Variants in MXRA7 observed in about 807,000 individuals in gnomAD.
MXRA7 encodes the protein matrix-remodeling-associated protein 7.
In MXRA7, 18 loss-of-function variants were observed where a neutral mutation model predicts 17.4. The observed-to-expected ratio is 1.03, with a 90% CI of 0.71 to 1.53. The LOEUF (loss-of-function observed/expected upper bound fraction) is 1.53. Ranked by LOEUF, MXRA7 falls within the 40% of genes most tolerant of loss-of-function variation. The pLI is 0.00. For synonymous variants in MXRA7, 70 were observed against 101.7 expected (o/e 0.69, Z 1.87); for missense variants, 141 against 209.3 (o/e 0.67, Z 2.01).
chr17:76,698,247 GCCC>G (rs1471363594), intron 1 of MXRA7, among the ~76,000 whole-genome samples: 1 of 152,136 alleles, frequency 6.6e-6, no homozygotes, highest in Non-Finnish European at 1.5e-5. Flanking sequence ...GCCTGCCCAG[GCCC>G]CCCAACCCCA....
intron 3 of MXRA7, 34 bp from the exon 4 acceptor site, chr17:76,680,913 AT>A: frequency 6.5e-7 from 1 of 1,536,130 alleles, no homozygotes; most frequent in Non-Finnish European, 9.0e-7. Flanking sequence ...AAGATAATTT[AT>A]TTTACTCATT....
intron 1 of MXRA7, among the ~76,000 whole-genome samples, chr17:76,697,938 A>G (rs1358414222): frequency 6.9e-6 from 1 of 144,252 alleles, no homozygotes. Context: ...AGGCGGGGGG[A>G]GGGGAGAGAG....
chr17:76,696,721 G>A (rs1452499978), intron 1 of MXRA7, among the ~76,000 whole-genome samples: 1 of 152,100 alleles, frequency 6.6e-6, no homozygotes, highest in East Asian at 1.9e-4. Context: ...CCCAAACTGC[G>A]ATGCTAAAGG....
rs1227623209 is a variant in MXRA7, at chr17:76,706,304, GGCCCAC to G, written c.342+4295_342+4300del. 2.1e-4 allele frequency among the ~76,000 whole-genome samples: 22 copies of G among 104,552 alleles called. 1 individual carries two copies. The highest frequency in any genetic ancestry group is 7.2e-4 in the African/African-American group (22 of 30,424). 68.6% of individuals were successfully genotyped at this position (104,552 alleles called of 152,430 possible). On this transcript the variant is annotated intron_variant, in intron 1 of 3. Coordinates refer to ENST00000449428, the MANE Select transcript of MXRA7 (RefSeq NM_198530.4). ...CAGAGGCCCACGCTGCCGTCACAGA[GGCCCAC>G]GCTGCCATCACAAAGGACCACGCTG...
chr17:76,685,039 C>T (rs1221871640), intron 3 of MXRA7, 33 bp downstream of exon 3: 2 of 1,588,216 alleles, frequency 1.3e-6, no homozygotes, highest in South Asian at 2.2e-5. Context: ...CCCCAAGAGC[C>T]CGCCAGGCGC....
intron 1 of MXRA7, among the ~76,000 whole-genome samples, chr17:76,707,735 C>T (rs766036866): frequency 1.3e-5 from 2 of 152,132 alleles, no homozygotes; most frequent in East Asian, 1.9e-4. Flanking sequence ...TTTGGGAATC[C>T]GACCATCCAG....
At chr17:76,684,798 G>T (rs2076363890) in intron 3 of MXRA7, 3 of 487,626 alleles carry the variant, frequency 6.2e-6, no homozygotes, top group African/African-American at 2.0e-5. Flanking sequence ...TGGAGGGGGT[G>T]GGGGGGTGCA....
chr17:76,703,215 G>A (rs1303923613), intron 1 of MXRA7, among the ~76,000 whole-genome samples: 2 of 152,264 alleles, frequency 1.3e-5, no homozygotes, highest in African/African-American at 2.4e-5. Flanking sequence ...GGCCCTTGCT[G>A]AGAATCTGCC....
chr17:76,691,202 T>C (rs2076475592), intron 1 of MXRA7, among the ~76,000 whole-genome samples: 1 of 152,208 alleles, frequency 6.6e-6, no homozygotes, highest in African/African-American at 2.4e-5. Flanking sequence ...CGATAGGGTT[T>C]GGAGAGCTTC....
At position 76,686,486 on chromosome 17, in the gene MXRA7, AC is replaced by A. The variant is rs1307714079; in HGVS notation, c.407-1322del. On this transcript the variant is annotated intron_variant, in intron 2 of 3. Transcript: ENST00000449428. ...TAGAGTAAGATTCCAGTATCCCCCT[AC>A]CCCCCAAAAAAAGAAAACATACAAA... Among the ~76,000 whole-genome samples the A allele has an allele frequency of 2.1e-4, 32 of 151,656 alleles. 1 individual carries two copies. Among genetic ancestry groups the A allele is most frequent in the Admixed American group, 2.1e-3 (32 of 15,212 alleles).
Position 76,691,237 on chromosome 17 carries a change from C to T in MXRA7, c.343-3061G>A, listed in dbSNP as rs558808362. ...CCAGGCTGCTGAATGCATTCCCGTG[C>T]GCAGGGGGTAGCGTACCCCAACTCC... On this transcript the variant is annotated intron_variant, in intron 1 of 3. Coordinates refer to ENST00000449428, the MANE Select transcript of MXRA7 (RefSeq NM_198530.4). 5.9e-5 allele frequency among the ~76,000 whole-genome samples: 9 copies of T among 152,300 alleles called. No homozygotes were observed. In the East Asian group the frequency reaches 1.5e-3, roughly 26 times the overall value.
At chr17:76,708,349 T>C (rs1010675166) in intron 1 of MXRA7, among the ~76,000 whole-genome samples, 1 of 152,194 alleles carries the variant, frequency 6.6e-6, no homozygotes, top group Non-Finnish European at 1.5e-5. Flanking sequence ...CCCAGGGCAG[T>C]GACTTCCGAG....
intron 1 of MXRA7, among the ~76,000 whole-genome samples, chr17:76,706,212 A>G (rs62085149): frequency 0.072 from 3,133 of 43,816 alleles, 370 homozygotes; most frequent in Admixed American, 0.1. Context: ...CCACGCTGCC[A>G]TCACAAAGGC....
At chr17:76,691,994 C>T (rs190113726) in intron 1 of MXRA7, among the ~76,000 whole-genome samples, 2 of 152,218 alleles carry the variant, frequency 1.3e-5, no homozygotes, top group East Asian at 3.9e-4. Flanking sequence ...ATCCGTATCC[C>T]CAAAGGACCC....
chr17:76,692,534 T>G (rs1192841956), intron 1 of MXRA7, among the ~76,000 whole-genome samples: 1 of 151,654 alleles, frequency 6.6e-6, no homozygotes, highest in Admixed American at 6.6e-5. Flanking sequence ...ATTACAGGTG[T>G]GGGCCACCGC....
At chr17:76,673,204 A>T (rs982988177) in exon 4 of MXRA7, 1 of 152,360 alleles carries the variant, frequency 6.6e-6, no homozygotes, top group Middle Eastern at 3.4e-3. Context: ...AATCTTGGGC[A>T]AGGCAGCTGC....
intron 3 of MXRA7, among the ~76,000 whole-genome samples, chr17:76,682,876 C>T (rs1369047728): frequency 1.3e-5 from 2 of 152,198 alleles, no homozygotes; most frequent in African/African-American, 2.4e-5. Context: ...AGCAGCACCT[C>T]GGGCACAGTC....
chr17:76,686,501 A>G (rs535543383), intron 2 of MXRA7, among the ~76,000 whole-genome samples: 6 of 152,162 alleles, frequency 3.9e-5, no homozygotes, highest in Non-Finnish European at 8.8e-5. Flanking sequence ...CCAAAAAAAG[A>G]AAACATACAA....
In MXRA7 at chr17:76,685,048, G is replaced by T. The variant is rs78893981; in HGVS notation, c.500+24C>A. 7 of 1,598,276 alleles carry T rather than the reference G, an allele frequency of 4.4e-6. No individual in the cohort carries two copies. In the East Asian group the frequency reaches 1.3e-4, roughly 31 times the overall value. On this transcript the variant is annotated intron_variant, in intron 3 of 3. Transcript: ENST00000449428. The stretch of plus-strand genomic sequence containing the variant: ...CCCCTCCCCCAAGAGCCCGCCAGGC[G>T]CCAGCGAAGGGGCTGCAGCCTACCT...
Sources: allele counts gnomAD v4.1 joint callset (sites outside exome capture counted in the v4.1 genomes callset), GRCh38; gene constraint gnomAD v4.1.1; transcripts MANE v1.5; gene names NCBI Gene and HGNC (gene_info 2026-07-23, HGNC 2026-07-21).